The following PLCL1 variants were observed in gnomAD, a reference collection of about 807,000 sequenced individuals.
PLCL1 encodes phospholipase C like 1 (inactive).
Under a neutral mutation model 84.4 loss-of-function variants are expected in PLCL1, and 41 were observed. That is an observed-to-expected ratio of 0.49 (90% CI 0.38 to 0.63). PLCL1 has a LOEUF of 0.63. Among genes scored for constraint, PLCL1 ranks in the 30% least tolerant of loss-of-function variants. The pLI is 0.00. For synonymous variants in PLCL1, 490 were observed against 488.3 expected (o/e 1.00, Z -0.05); for missense variants, 1,206 against 1,367.8 (o/e 0.88, Z 1.87).
chr2:198,004,142 T>G (rs1280952861), intron 1 of PLCL1, among the ~76,000 whole-genome samples: 1 of 152,180 alleles, frequency 6.6e-6, no homozygotes, highest in Non-Finnish European at 1.5e-5. Flanking sequence ...ATTTAGCTTT[T>G]TTTTTTAAAA....
At position 197,940,179 on chromosome 2, in the gene PLCL1, G is replaced by A. The variant is rs575541153; in HGVS notation, c.240+134840G>A. Among the ~76,000 whole-genome samples, 138 of 152,136 alleles carry A rather than the reference G, an allele frequency of 9.1e-4. 1 individual carries two copies. The highest frequency in any genetic ancestry group is 1.6e-3 in the Non-Finnish European group (110 of 68,012). Reference sequence around the variant, plus strand: ...ATATATTTAATGATGTAGTATTCAGGTCTAAAAAATGAACAAAATACTTTT... The same window carrying A: ...ATATATTTAATGATGTAGTATTCAGATCTAAAAAATGAACAAAATACTTTT... On this transcript the variant is annotated intron_variant, in intron 1 of 5. Coordinates refer to ENST00000428675, the MANE Select transcript of PLCL1 (RefSeq NM_006226.4).
chr2:198,031,493 TATTGGTTGATTG>T (rs1207876825), intron 1 of PLCL1, among the ~76,000 whole-genome samples: 1 of 151,982 alleles, frequency 6.6e-6, no homozygotes, highest in Non-Finnish European at 1.5e-5. Context: ...GACCGTTCAG[TATTGGTTGATTG>T]ATTGAGACAG....
chr2:197,892,927 G>T (rs1460503784), intron 1 of PLCL1, among the ~76,000 whole-genome samples: 1 of 152,160 alleles, frequency 6.6e-6, no homozygotes, highest in East Asian at 1.9e-4. Context: ...CCCGGGAGGG[G>T]AAGGTTGGAG....
rs532437920 is a variant in PLCL1, at chr2:197,932,824, G to A, written c.240+127485G>A. Among the ~76,000 whole-genome samples, 10 of 152,294 alleles carry A rather than the reference G, an allele frequency of 6.6e-5. No individual in the cohort carries two copies. The South Asian group carries it at 2.1e-3, about 32-fold the overall frequency. Reference sequence around the variant, plus strand: ...AGGATTGGGAGATGGCATTCAGAATGGTGAAGAAATAGGAGAGCATGTTAG... The same window carrying A: ...AGGATTGGGAGATGGCATTCAGAATAGTGAAGAAATAGGAGAGCATGTTAG... On this transcript the variant is annotated intron_variant, in intron 1 of 5. Transcript: ENST00000428675.
chr2:197,806,712 A>C (rs766005748), intron 1 of PLCL1, among the ~76,000 whole-genome samples: 1 of 152,200 alleles, frequency 6.6e-6, no homozygotes, highest in Non-Finnish European at 1.5e-5. Context: ...TTTCAAACTT[A>C]AAAAACATCA....
intron 1 of PLCL1, among the ~76,000 whole-genome samples, chr2:198,014,935 T>G (rs1690960982): frequency 1.3e-5 from 2 of 152,154 alleles, no homozygotes; most frequent in South Asian, 4.1e-4. Context: ...TTTTTGAGCC[T>G]CATGCAATTT....
chr2:197,941,765 C>A (rs1689162436), intron 1 of PLCL1, among the ~76,000 whole-genome samples: 1 of 152,242 alleles, frequency 6.6e-6, no homozygotes, highest in Admixed American at 6.5e-5. Context: ...CTCTCTCTCT[C>A]TCTCCCATTG....
At chr2:197,926,407 C>A (rs1420687873) in intron 1 of PLCL1, among the ~76,000 whole-genome samples, 1 of 152,222 alleles carries the variant, frequency 6.6e-6, no homozygotes, top group African/African-American at 2.4e-5. Context: ...CCCTTAGAAC[C>A]TTTCCATGTT....
chr2:197,878,752 A>G (rs1328106678), intron 1 of PLCL1, among the ~76,000 whole-genome samples: 1 of 152,112 alleles, frequency 6.6e-6, no homozygotes, highest in Non-Finnish European at 1.5e-5. Flanking sequence ...TCGTTTGACT[A>G]GGCTCTCACA....
At chr2:198,103,281 T>A (rs1040484496) in intron 4 of PLCL1, among the ~76,000 whole-genome samples, 2 of 151,878 alleles carry the variant, frequency 1.3e-5, no homozygotes, top group Admixed American at 6.6e-5. Context: ...CTTATTAAAA[T>A]TTTTTTTAAT....
intron 1 of PLCL1, among the ~76,000 whole-genome samples, chr2:198,013,150 A>C (rs1223236673): frequency 6.6e-6 from 1 of 152,084 alleles, no homozygotes; most frequent in Non-Finnish European, 1.5e-5. Flanking sequence ...TTGGCTTTGC[A>C]CTTGCCTGGG....
At chr2:198,025,068 G>T (rs183575033) in intron 1 of PLCL1, among the ~76,000 whole-genome samples, 296 of 151,860 alleles carry the variant, frequency 1.9e-3, no homozygotes, top group African/African-American at 6.9e-3. Flanking sequence ...TTTAAGAGTT[G>T]TTTTGATTTT....
intron 5 of PLCL1, among the ~76,000 whole-genome samples, chr2:198,143,163 C>G (rs777054340): frequency 1.3e-4 from 20 of 151,998 alleles, no homozygotes; most frequent in African/African-American, 4.8e-4. Context: ...ACCTGAATAC[C>G]ATGGTGGGTG....
At chr2:197,909,119 T>G (rs1688437538) in intron 1 of PLCL1, among the ~76,000 whole-genome samples, 1 of 152,236 alleles carries the variant, frequency 6.6e-6, no homozygotes, top group Non-Finnish European at 1.5e-5. Context: ...TTTGGATAAC[T>G]GAGCTCCCTT....
chr2:197,909,917 C>T (rs1299933723), intron 1 of PLCL1, among the ~76,000 whole-genome samples: 1 of 152,190 alleles, frequency 6.6e-6, no homozygotes, highest in Non-Finnish European at 1.5e-5. Context: ...ATCTCTCCTT[C>T]ATCTGCACCT....
intron 5 of PLCL1, among the ~76,000 whole-genome samples, chr2:198,139,854 G>T (rs1574340873): frequency 6.6e-6 from 1 of 152,084 alleles, no homozygotes; most frequent in Non-Finnish European, 1.5e-5. Context: ...AGAGATGGGT[G>T]TATCTCAGTT....
intron 5 of PLCL1, among the ~76,000 whole-genome samples, chr2:198,132,886 GACATGAAGT>G (rs1176206694): frequency 6.6e-6 from 1 of 151,754 alleles, no homozygotes; most frequent in Non-Finnish European, 1.5e-5. Flanking sequence ...TGGTGTTTTG[GACATGAAGT>G]CCTTGCCCAT....
intron 1 of PLCL1, among the ~76,000 whole-genome samples, chr2:198,065,912 T>C (rs1403300383): frequency 6.6e-6 from 1 of 152,180 alleles, no homozygotes; most frequent in Non-Finnish European, 1.5e-5. Context: ...GGAAAAAGTG[T>C]TATGAACAAT....
At chr2:197,853,056 C>A (rs1185817341) in intron 1 of PLCL1, among the ~76,000 whole-genome samples, 1 of 152,158 alleles carries the variant, frequency 6.6e-6, no homozygotes, top group African/African-American at 2.4e-5. Context: ...GGCCACTATT[C>A]TGCTTTCTGT....
Sources: allele counts gnomAD v4.1 joint callset (sites outside exome capture counted in the v4.1 genomes callset), GRCh38; gene constraint gnomAD v4.1.1; transcripts MANE v1.5; gene names NCBI Gene and HGNC (gene_info 2026-07-23, HGNC 2026-07-21).